The following TSHZ2 variants were observed in gnomAD, a reference collection of about 807,000 sequenced individuals.
The protein encoded by TSHZ2 is teashirt zinc finger homeobox 2.
A neutral mutation model predicts 74.4 loss-of-function variants in TSHZ2; 21 were observed. The ratio of observed to expected loss-of-function variants is 0.28; its 90% CI spans 0.20 to 0.41. The LOEUF is 0.41. TSHZ2 is among the 10% of genes least tolerant of loss of function. TSHZ2 has a pLI of 1.00. For synonymous variants in TSHZ2, 540 were observed against 515.3 expected (o/e 1.05, Z -0.65); for missense variants, 1,244 against 1,293.5 (o/e 0.96, Z 0.59).
chr20:53,486,904 G>C (rs1490338326), intron 2 of TSHZ2, among the ~76,000 whole-genome samples: 1 of 152,046 alleles, frequency 6.6e-6, no homozygotes, highest in East Asian at 1.9e-4. Context: ...ACATCCATCT[G>C]TGCTCAGTGT....
At chr20:53,379,550 G>A (rs1387658515) in intron 2 of TSHZ2, among the ~76,000 whole-genome samples, 1 of 152,182 alleles carries the variant, frequency 6.6e-6, no homozygotes, top group East Asian at 1.9e-4. Context: ...TCTGAAGTTT[G>A]CAGAGCGGAA....
chr20:53,058,234 GTC>G (rs886800672), intron 1 of TSHZ2, among the ~76,000 whole-genome samples: 1 of 152,148 alleles, frequency 6.6e-6, no homozygotes, highest in Admixed American at 6.5e-5. Context: ...ACAGGCCACA[GTC>G]TCGTACTGGT....
At chr20:53,061,136 T>C (rs1984808270) in intron 1 of TSHZ2, among the ~76,000 whole-genome samples, 2 of 152,222 alleles carry the variant, frequency 1.3e-5, no homozygotes, top group Non-Finnish European at 2.9e-5. Context: ...AATCAATGAA[T>C]GACTGAATGC....
At chr20:53,151,719 G>A (rs570859707) in intron 1 of TSHZ2, among the ~76,000 whole-genome samples, 8 of 152,094 alleles carry the variant, frequency 5.3e-5, no homozygotes, top group African/African-American at 1.9e-4. Context: ...CAAAGATAAG[G>A]GATTGTGAAC....
intron 2 of TSHZ2, among the ~76,000 whole-genome samples, chr20:53,264,819 G>C (rs1425970433): frequency 1.3e-5 from 2 of 152,202 alleles, no homozygotes; most frequent in Admixed American, 1.3e-4. Context: ...TGGCATTCCT[G>C]TCGGGGAGAT....
intron 2 of TSHZ2, among the ~76,000 whole-genome samples, chr20:53,382,201 AC>A (rs1297044604): frequency 6.6e-6 from 1 of 151,728 alleles, no homozygotes; most frequent in Non-Finnish European, 1.5e-5. Flanking sequence ...CCAGTATCTT[AC>A]TCTCTTGTGC....
intron 2 of TSHZ2, among the ~76,000 whole-genome samples, chr20:53,433,254 C>A (rs1983907445): frequency 1.3e-5 from 2 of 152,132 alleles, no homozygotes; most frequent in African/African-American, 2.4e-5. Flanking sequence ...ATAGTCCCAG[C>A]ATTTTGAGGC....
intron 1 of TSHZ2, among the ~76,000 whole-genome samples, chr20:52,974,547 G>A (rs534302171): frequency 6.6e-6 from 1 of 152,108 alleles, no homozygotes; most frequent in South Asian, 2.1e-4. Flanking sequence ...CTTGATTTAG[G>A]CAACATTAGG....
intron 1 of TSHZ2, among the ~76,000 whole-genome samples, chr20:53,164,391 AAAAG>A (rs1390181202): frequency 4.6e-5 from 7 of 151,214 alleles, no homozygotes; most frequent in Admixed American, 4.6e-4. Context: ...TACAACTATT[AAAAG>A]AAAGAGATCA....
intron 1 of TSHZ2, among the ~76,000 whole-genome samples, chr20:53,168,152 G>T (rs1280375011): frequency 3.3e-5 from 5 of 152,180 alleles, no homozygotes; most frequent in African/African-American, 1.2e-4. Flanking sequence ...CTCTCAATTT[G>T]ATTTGTTCAG....
At chr20:53,278,895 A>T (rs1403998507) in intron 2 of TSHZ2, among the ~76,000 whole-genome samples, 1 of 152,202 alleles carries the variant, frequency 6.6e-6, no homozygotes, top group East Asian at 1.9e-4. Context: ...AAATCCACAG[A>T]TAACTTTTGA....
At chr20:52,982,948 G>T (rs1342777965) in intron 1 of TSHZ2, among the ~76,000 whole-genome samples, 1 of 152,138 alleles carries the variant, frequency 6.6e-6, no homozygotes, top group East Asian at 1.9e-4. Context: ...TTGAACATAG[G>T]TCCTGTTTGT....
At chr20:53,423,530 C>T (rs1217158445) in intron 2 of TSHZ2, among the ~76,000 whole-genome samples, 1 of 152,208 alleles carries the variant, frequency 6.6e-6, no homozygotes, top group East Asian at 1.9e-4. Flanking sequence ...CTCTGCAACT[C>T]TAGGCAAGAG....
intron 2 of TSHZ2, among the ~76,000 whole-genome samples, chr20:53,329,276 TGGTCCTCAACTCAAA>T (rs1979620709): frequency 6.6e-6 from 1 of 152,216 alleles, no homozygotes; most frequent in African/African-American, 2.4e-5. Flanking sequence ...TTTCAATTCT[TGGTCCTCAACTCAAA>T]GCTTTGGGAA....
At chr20:53,094,826 T>C (rs1985991825) in intron 1 of TSHZ2, among the ~76,000 whole-genome samples, 1 of 152,226 alleles carries the variant, frequency 6.6e-6, no homozygotes. Flanking sequence ...GAATAGCCAG[T>C]GGCTGTTCTG....
intron 2 of TSHZ2, among the ~76,000 whole-genome samples, chr20:53,329,073 G>T (rs760816438): frequency 1.3e-5 from 2 of 152,160 alleles, no homozygotes; most frequent in East Asian, 1.9e-4. Flanking sequence ...TAAATTCAAG[G>T]TCTGACTATT....
At chr20:53,120,569 T>TTAG (rs1986781474) in intron 1 of TSHZ2, among the ~76,000 whole-genome samples, 1 of 152,198 alleles carries the variant, frequency 6.6e-6, no homozygotes, top group South Asian at 2.1e-4. Context: ...AAAAATTGCA[T>TTAG]TAGTGTATCA....
At chr20:53,361,199 G>A (rs34555880) in intron 2 of TSHZ2, among the ~76,000 whole-genome samples, 9,406 of 152,282 alleles carry the variant, frequency 0.062, 338 homozygotes, top group African/African-American at 0.083. Context: ...ACACACCCCA[G>A]TGATGAGCAA....
At chr20:53,064,336 G>A (rs1303576155) in intron 1 of TSHZ2, among the ~76,000 whole-genome samples, 6 of 152,166 alleles carry the variant, frequency 3.9e-5, no homozygotes, top group Admixed American at 2.6e-4. Context: ...CACATTTTAT[G>A]TGAGGGCTAG....
Sources: allele counts gnomAD v4.1 joint callset (sites outside exome capture counted in the v4.1 genomes callset), GRCh38; gene constraint gnomAD v4.1.1; transcripts MANE v1.5; gene names NCBI Gene and HGNC (gene_info 2026-07-23, HGNC 2026-07-21).